PHF20: variants seen among roughly 807,000 people sequenced by gnomAD.
PHF20 encodes the protein glioma-expressed antigen 2.
Under a neutral mutation model 113.5 loss-of-function variants are expected in PHF20, and 23 were observed. The observed-to-expected ratio is 0.20, with a 90% CI of 0.15 to 0.29. The LOEUF (loss-of-function observed/expected upper bound fraction) is 0.29, where lower values mean the gene tolerates loss of function less well. Ranked by LOEUF, PHF20 falls within the 10% of genes least tolerant of loss-of-function variation. The pLI is 1.00. For synonymous variants in PHF20, 434 were observed against 457.3 expected (o/e 0.95, Z 0.65); for missense variants, 943 against 1,219.6 (o/e 0.77, Z 3.38).
intron 4 of PHF20, among the ~76,000 whole-genome samples, chr20:35,856,810 G>A (rs892899427): frequency 6.6e-6 from 1 of 152,274 alleles, no homozygotes; most frequent in African/African-American, 2.4e-5. Context: ...TGTGGAGTTA[G>A]AAGTGTCGCT....
At chr20:35,826,341 G>A (rs890555998) in intron 2 of PHF20, among the ~76,000 whole-genome samples, 3 of 152,184 alleles carry the variant, frequency 2.0e-5, no homozygotes, top group Non-Finnish European at 4.4e-5. Flanking sequence ...ACTGCACCTG[G>A]CCTAGACATG....
intron 9 of PHF20, among the ~76,000 whole-genome samples, chr20:35,889,306 G>A (rs1600883806): frequency 6.6e-6 from 1 of 151,602 alleles, no homozygotes; most frequent in African/African-American, 2.4e-5. Flanking sequence ...GAGCCACCGT[G>A]CCTGGTGCTA....
At chr20:35,884,083 G>C (rs1428033075) in intron 9 of PHF20, among the ~76,000 whole-genome samples, 2 of 152,190 alleles carry the variant, frequency 1.3e-5, no homozygotes, top group African/African-American at 2.4e-5. Context: ...AGGTTTAGTG[G>C]TGTGAGTACA....
At chr20:35,852,734 G>T (rs538191555) in intron 4 of PHF20, among the ~76,000 whole-genome samples, 5 of 151,776 alleles carry the variant, frequency 3.3e-5, no homozygotes, top group African/African-American at 9.7e-5. Context: ...GAGTAGCTGG[G>T]ATTACAGGTG....
intron 12 of PHF20, among the ~76,000 whole-genome samples, chr20:35,915,864 A>G (rs6058362): frequency 0.055 from 8,357 of 152,190 alleles, 356 homozygotes; most frequent in African/African-American, 0.12. Context: ...GCTGGGTGCA[A>G]TGTCCCACAC....
At chr20:35,928,202 GC>G (rs1205496481) in intron 14 of PHF20, among the ~76,000 whole-genome samples, 2 of 151,956 alleles carry the variant, frequency 1.3e-5, no homozygotes, top group African/African-American at 4.8e-5. Flanking sequence ...ACTTTGGGAG[GC>G]CAAGGCGGGT....
At chr20:35,937,307 A>G (rs2055883211) in intron 15 of PHF20, among the ~76,000 whole-genome samples, 1 of 152,054 alleles carries the variant, frequency 6.6e-6, no homozygotes, top group Non-Finnish European at 1.5e-5. Context: ...CATCTCTACT[A>G]AAAATACAAA....
chr20:35,892,906 C>T (rs1311023950), intron 9 of PHF20, among the ~76,000 whole-genome samples: 1 of 152,182 alleles, frequency 6.6e-6, no homozygotes, highest in Non-Finnish European at 1.5e-5. Context: ...ATTTGTAATG[C>T]TCAAATCTTC....
intron 10 of PHF20, among the ~76,000 whole-genome samples, chr20:35,910,777 A>C (rs1600919478): frequency 6.6e-6 from 1 of 150,570 alleles, no homozygotes; most frequent in East Asian, 2.0e-4. Flanking sequence ...TACAGGCATG[A>C]GCCACCACAC....
At chr20:35,863,546 C>G (rs985021929) in intron 6 of PHF20, 146 bp downstream of exon 6, 1 of 840,626 alleles carries the variant, frequency 1.2e-6, no homozygotes, top group Non-Finnish European at 1.8e-6. Context: ...AAGTTGTGTT[C>G]ATGAAGCTGA....
In PHF20 at chr20:35,899,441, T is replaced by G. The variant is rs146518162; in HGVS notation, c.1354T>G (p.Phe452Val). 6.8e-6 allele frequency: 11 copies of G among 1,614,044 alleles called. No homozygotes were observed. Among genetic ancestry groups the G allele is most frequent in the Middle Eastern group, 1.6e-4 (1 of 6,084 alleles). ...ACCAGCTGTCGACCTAGACCATAAG[T>G]TTAGATGCAAAGTTGTGGACTGTTT... ...NAPAVDLDHK[F>V]RCKVVDCLKF... Residue 452 changes from phenylalanine (F) to valine (V), a missense_variant, in exon 10 of 18, where the codon TTT becomes GTT. Physicochemically the swap from Phe to Val is conservative, Grantham distance 50. Coordinates refer to ENST00000374012, the MANE Select transcript of PHF20 (RefSeq NM_016436.5).
chr20:35,783,354 C>T (rs1416133774), intron 1 of PHF20, among the ~76,000 whole-genome samples: 1 of 151,938 alleles, frequency 6.6e-6, no homozygotes, highest in African/African-American at 2.4e-5. Flanking sequence ...CTTCAGTGGG[C>T]CTTGTTAGTT....
Position 35,842,653 on chromosome 20 carries a change from A to T in PHF20, c.164A>T (p.Asp55Val). 1 of 1,614,044 alleles carries T rather than the reference A, an allele frequency of 6.2e-7. No homozygotes were observed. The highest frequency in any genetic ancestry group is 8.5e-7 in the Non-Finnish European group (1 of 1,179,922). ...IHFKRWNHRY[D>V]EWFCWDSPYL... ...TTCAAGCGTTGGAACCATCGTTATGATGAGTGGTTCTGCTGGGACAGTCCT... is the reference window on the plus strand; with the variant it reads ...TTCAAGCGTTGGAACCATCGTTATGTTGAGTGGTTCTGCTGGGACAGTCCT... The change falls in exon 3 of 18, where the codon GAT becomes GTT. Residue 55 changes from aspartate to valine, a missense_variant. Transcript: ENST00000374012.
In PHF20 at chr20:35,938,981, C is replaced by T. The variant is rs1325679393; in HGVS notation, c.2585C>T (p.Ser862Phe). 6 of 1,614,080 alleles carry T rather than the reference C, an allele frequency of 3.7e-6. No individual in the cohort carries two copies. Among genetic ancestry groups the T allele is most frequent in the Admixed American group, 1.7e-5 (1 of 60,010 alleles). Residue 862 changes from serine to phenylalanine, a missense_variant, in exon 16 of 18, where the codon TCT (serine) becomes TTT (phenylalanine). Physicochemically the swap from Ser to Phe is radical, Grantham distance 155. This residue lies in a region of PHF20 where 349 missense variants were observed against 412.3 expected (regional missense o/e 0.85). Transcript: ENST00000374012. ...AAGCTGGTGGTGGAGACGAGGGGCT[C>T]TGCCCTCGACGATGCGGTCAACCCC... ...EQKLVVETRGSALDDAVNPLH... is the reference protein window; with the variant it reads ...EQKLVVETRGFALDDAVNPLH...
intron 5 of PHF20, among the ~76,000 whole-genome samples, chr20:35,860,842 G>A (rs980588596): frequency 3.3e-5 from 5 of 152,152 alleles, no homozygotes; most frequent in African/African-American, 9.7e-5. Context: ...CTTCCCAAGT[G>A]GAAGTCCAGG....
chr20:35,938,093 C>T (rs371182494), intron 15 of PHF20, among the ~76,000 whole-genome samples: 5 of 152,132 alleles, frequency 3.3e-5, no homozygotes, highest in African/African-American at 1.2e-4. Context: ...AGGATGGTCT[C>T]GATCTCCTGA....
At chr20:35,831,606 A>C (rs758582835) in intron 2 of PHF20, among the ~76,000 whole-genome samples, 27 of 152,152 alleles carry the variant, frequency 1.8e-4, no homozygotes, top group Admixed American at 3.9e-4. Context: ...CTAGGACTAC[A>C]GGCCTGGCTA....
intron 1 of PHF20, among the ~76,000 whole-genome samples, chr20:35,795,291 A>C (rs1037203488): frequency 2.0e-5 from 3 of 151,390 alleles, no homozygotes; most frequent in Non-Finnish European, 4.4e-5. Context: ...GCTAGAGTGC[A>C]GTGGTGCCAT....
At chr20:35,886,463 G>GA (rs1286291926) in intron 9 of PHF20, among the ~76,000 whole-genome samples, 2 of 152,064 alleles carry the variant, frequency 1.3e-5, no homozygotes, top group Non-Finnish European at 1.5e-5. Context: ...GCTTCAAGCT[G>GA]AAAAAATTAT....
Sources: allele counts gnomAD v4.1 joint callset (sites outside exome capture counted in the v4.1 genomes callset), GRCh38; gene constraint gnomAD v4.1.1; regional missense constraint gnomAD v4.1.1; transcripts MANE v1.5; gene names NCBI Gene and HGNC (gene_info 2026-07-23, HGNC 2026-07-21).